Variants in WASHC5 observed in about 807,000 individuals in gnomAD.
WASHC5 encodes WASH complex subunit 5.
WASHC5 carries 101 observed loss-of-function variants against 150.4 expected under a neutral mutation model. The ratio of observed to expected loss-of-function variants is 0.67; its 90% CI spans 0.57 to 0.79. The LOEUF is 0.79. WASHC5 is among the 30% of genes least tolerant of loss of function. The probability of loss-of-function intolerance (pLI) is 0.00; values close to 1 mark genes in which losing one functional copy is unlikely to be tolerated. For synonymous variants in WASHC5, 467 were observed against 491.2 expected (o/e 0.95, Z 0.65); for missense variants, 1,195 against 1,396.3 (o/e 0.86, Z 2.30).
intron 9 of WASHC5, among the ~76,000 whole-genome samples, chr8:125,068,386 C>T (rs977824460): frequency 6.6e-6 from 1 of 152,166 alleles, no homozygotes; most frequent in Non-Finnish European, 1.5e-5. Context: ...TCCTGGTTGA[C>T]AACACTTCAT....
At chr8:125,032,440 G>A (rs761435520) in intron 26 of WASHC5, 46 bp from the exon 27 acceptor site, 1 of 1,604,958 alleles carries the variant, frequency 6.2e-7, no homozygotes, top group Admixed American at 1.7e-5. Context: ...CTTGCCTTCA[G>A]CAACATTCAT....
At chr8:125,035,956 A>C (rs571203333) in intron 26 of WASHC5, among the ~76,000 whole-genome samples, 167 of 152,366 alleles carry the variant, frequency 1.1e-3, no homozygotes, top group Middle Eastern at 3.4e-3. Flanking sequence ...AGCTGGATAC[A>C]AAGTTTGAAG....
At chr8:125,048,119 G>A (rs187803553) in intron 19 of WASHC5, among the ~76,000 whole-genome samples, 1 of 152,286 alleles carries the variant, frequency 6.6e-6, no homozygotes, top group African/African-American at 2.4e-5. Flanking sequence ...GAAAAGGTGA[G>A]GTGACAAACG....
In WASHC5 at chr8:125,059,209, GT is replaced by G; in HGVS notation, c.1764+12del. 6.3e-7 allele frequency: 1 copy of G among 1,597,332 alleles called. No homozygotes were observed. The highest frequency in any genetic ancestry group is 1.1e-5 in the South Asian group (1 of 90,666). On this transcript the variant is annotated intron_variant, in intron 14 of 28. Transcript: ENST00000318410. ...TTTCCTAGCAACAGAGAATCTCACT[GT>G]TTTTTGCTTACCTTTAGGAAGGTAG...
chr8:125,050,550 T>C lies in WASHC5; in HGVS notation c.2199+14A>G, dbSNP rs754889043. The C allele has an allele frequency of 2.1e-5, 33 of 1,598,818 alleles. No individual in the cohort carries two copies. The Middle Eastern group carries it at 8.3e-4, about 40-fold the overall frequency. On this transcript the variant is annotated intron_variant, in intron 18 of 28. Coordinates refer to ENST00000318410, the MANE Select transcript of WASHC5 (RefSeq NM_014846.4). ...GGCGGAGAAGAGGACAGGCCCACTC[T>C]GGTCACTGGGTACCTTGGCTCGAGG...
intron 17 of WASHC5, among the ~76,000 whole-genome samples, chr8:125,051,869 T>C (rs2130060896): frequency 6.6e-6 from 1 of 151,966 alleles, no homozygotes; most frequent in African/African-American, 2.4e-5. Context: ...GCAACAAGAG[T>C]GAAACTCTGT....
intron 6 of WASHC5, among the ~76,000 whole-genome samples, chr8:125,077,932 C>T (rs971169495): frequency 6.6e-6 from 1 of 152,076 alleles, no homozygotes; most frequent in African/African-American, 2.4e-5. Flanking sequence ...CAACAAAAAC[C>T]CTCTTATTTA....
rs193268069 is a variant in WASHC5 at position 125,053,617 on chromosome 8, C to T, written c.2097+1974G>A. On this transcript the variant is annotated intron_variant, in intron 17 of 28. Transcript: ENST00000318410. ...AATTCTATTAATATTCTAGGAAATACCATGGTATTTCCTTTAGCATACTTC... is the reference window on the plus strand; with the variant it reads ...AATTCTATTAATATTCTAGGAAATATCATGGTATTTCCTTTAGCATACTTC... Among the ~76,000 whole-genome samples the T allele has an allele frequency of 3.4e-3, 510 of 152,204 alleles. 5 individuals carry two copies. Among genetic ancestry groups the T allele is most frequent in the Non-Finnish European group, 3.6e-3 (247 of 67,998 alleles).
chr8:125,060,693 T>C (rs1816569137), intron 12 of WASHC5, among the ~76,000 whole-genome samples: 1 of 152,202 alleles, frequency 6.6e-6, no homozygotes, highest in Non-Finnish European at 1.5e-5. Context: ...ATAATTATTT[T>C]CATTTTTGTG....
At position 125,031,278 on chromosome 8, in the gene WASHC5, C is replaced by T. The variant is rs375822991; in HGVS notation, c.3335+963G>A. On this transcript the variant is annotated intron_variant, in intron 27 of 28. Transcript: ENST00000318410. Reference sequence around the variant, plus strand: ...GTGGACTTAGAAGATCACTTTGGTTCGTTTTATTTTTTTTGAGATGGAGTC... The same window carrying T: ...GTGGACTTAGAAGATCACTTTGGTTTGTTTTATTTTTTTTGAGATGGAGTC... Among the ~76,000 whole-genome samples, 6 of 152,042 alleles carry T rather than the reference C, an allele frequency of 3.9e-5. No homozygotes were observed. The East Asian group carries it at 5.8e-4, about 15-fold the overall frequency.
At chr8:125,079,662 G>A (rs1349427381) in intron 5 of WASHC5, among the ~76,000 whole-genome samples, 1 of 152,002 alleles carries the variant, frequency 6.6e-6, no homozygotes, top group Non-Finnish European at 1.5e-5. Flanking sequence ...ACTCCAGCAG[G>A]GTCTGAATTG....
chr8:125,050,418 C>T (rs1337522950), intron 18 of WASHC5, 146 bp downstream of exon 18: 1 of 531,726 alleles, frequency 1.9e-6, no homozygotes, highest in East Asian at 2.9e-5. Flanking sequence ...TCAAAAAGCA[C>T]ATCAGTTGTT....
At chr8:125,082,977 G>A in intron 3 of WASHC5, 136 bp downstream of exon 3, 1 of 608,448 alleles carries the variant, frequency 1.6e-6, no homozygotes, top group South Asian at 2.2e-5. Context: ...CCACAGGTAG[G>A]AAAAGACAAC....
At chr8:125,032,485 G>T in intron 26 of WASHC5, 91 bp from the exon 27 acceptor site, 1 of 1,408,730 alleles carries the variant, frequency 7.1e-7, no homozygotes, top group Non-Finnish European at 1.0e-6. Context: ...AAATGTTTGG[G>T]GCCCATATTC....
At chr8:125,034,688 T>G (rs559908930) in intron 26 of WASHC5, among the ~76,000 whole-genome samples, 1 of 152,166 alleles carries the variant, frequency 6.6e-6, no homozygotes, top group Non-Finnish European at 1.5e-5. Context: ...ATTTGACTTC[T>G]TGTGAAGACC....
chr8:125,049,058 C>T lies in WASHC5; in HGVS notation c.2327G>A (p.Arg776His), dbSNP rs750463169. Residue 776 changes from arginine (R) to histidine (H), a missense_variant, in exon 19 of 29, where the codon CGT becomes CAT. Arg to His is a conservative substitution (Grantham distance 29). This residue lies in a region of WASHC5 where 997 missense variants were observed against 1,168.1 expected (regional missense o/e 0.85). Coordinates refer to ENST00000318410, the MANE Select transcript of WASHC5 (RefSeq NM_014846.4). ...GLKIWQEEVS[R>H]IINYNVEQEC... ...TTGCTCCACGTTGTAATTTATGATA[C>T]GAGATACTTCTTCCTGCCAAATCTT... 21 of 1,613,710 alleles carry T rather than the reference C, an allele frequency of 1.3e-5. No homozygotes were observed. The highest frequency in any genetic ancestry group is 4.5e-5 in the East Asian group (2 of 44,868).
intron 26 of WASHC5, among the ~76,000 whole-genome samples, chr8:125,034,383 G>A (rs1213103136): frequency 1.3e-5 from 2 of 152,056 alleles, no homozygotes; most frequent in African/African-American, 4.8e-5. Flanking sequence ...CTTGTAGCCT[G>A]TAATTCCAGC....
At chr8:125,055,384 C>T (rs1391633817) in intron 17 of WASHC5, among the ~76,000 whole-genome samples, 1 of 151,932 alleles carries the variant, frequency 6.6e-6, no homozygotes, top group African/African-American at 2.4e-5. Flanking sequence ...GATTGCACCA[C>T]TGCACTCCAG....
At chr8:125,083,308 T>C in intron 2 of WASHC5, 50 bp from the exon 3 acceptor site, 1 of 1,554,360 alleles carries the variant, frequency 6.4e-7, no homozygotes, top group Non-Finnish European at 8.8e-7. Flanking sequence ...TACTTGTTGG[T>C]GACAATTTCT....
Sources: gnomAD v4.1 joint callset for allele counts (sites outside exome capture counted in the v4.1 genomes callset) on GRCh38, gnomAD v4.1.1 for gene constraint, gnomAD v4.1.1 regional missense constraint, MANE v1.5 for transcripts, NCBI Gene and HGNC (gene_info 2026-07-23, HGNC 2026-07-21) for gene names.